NAA11: variants seen among roughly 807,000 people sequenced by gnomAD.
NAA11 encodes N-alpha-acetyltransferase 11, NatA catalytic subunit.
In NAA11, 15 loss-of-function variants were observed where a neutral mutation model predicts 16.1. The observed-to-expected ratio is 0.93, with a 90% CI of 0.62 to 1.44. The LOEUF (loss-of-function observed/expected upper bound fraction) is 1.44. Among genes scored for constraint, NAA11 ranks in the 40% most tolerant of loss-of-function variants. The pLI is 0.00. For missense variants in NAA11, 298 were observed against 291.3 expected (o/e 1.02, Z -0.17); for synonymous variants, 122 against 112.4 (o/e 1.09, Z -0.54).
At chr4:79,273,191 T>C (rs1243554765) in intron 2 of NAA11, among the ~76,000 whole-genome samples, 4 of 151,906 alleles carry the variant, frequency 2.6e-5, no homozygotes, top group African/African-American at 4.8e-5. Context: ...GGGAGTGACA[T>C]ACAAGTACAT....
chr4:79,225,672 C>T (rs1721292668), downstream of NAA11: 1 of 151,994 alleles, frequency 6.6e-6, no homozygotes, highest in African/African-American at 2.4e-5. Context: ...CATTTTCTGG[C>T]CTAGAGGACT....
At chr4:79,226,598 G>T (rs1293019982) in intron 2 of NAA11, among the ~76,000 whole-genome samples, 1 of 117,268 alleles carries the variant, frequency 8.5e-6, no homozygotes, top group Non-Finnish European at 1.6e-5. Flanking sequence ...CCCACAACAG[G>T]CACCAGTGGG....
At chr4:79,191,588 C>A in the NAA11 span, among the ~76,000 whole-genome samples, 2 of 151,612 alleles carry the variant, frequency 1.3e-5, no homozygotes, top group African/African-American at 4.8e-5. Flanking sequence ...TTAGACCATT[C>A]TCAGATACGT....
At chr4:79,286,730 T>C (rs1232635308) in intron 2 of NAA11, among the ~76,000 whole-genome samples, 1 of 152,138 alleles carries the variant, frequency 6.6e-6, no homozygotes, top group Non-Finnish European at 1.5e-5. Flanking sequence ...ATGGAAATTT[T>C]TGAAAGTTGT....
chr4:79,291,754 T>TA (rs748763596), intron 2 of NAA11, among the ~76,000 whole-genome samples: 123 of 150,894 alleles, frequency 8.2e-4, no homozygotes, highest in Middle Eastern at 3.4e-3. Flanking sequence ...AAATGTAAAA[T>TA]AAAAAAAAAT....
intron 2 of NAA11, among the ~76,000 whole-genome samples, chr4:79,284,143 C>G (rs1578178145): frequency 2.0e-5 from 3 of 152,068 alleles, no homozygotes; most frequent in Admixed American, 6.6e-5. Context: ...AGCCCTAAGG[C>G]AGCAAACTCT....
intron 2 of NAA11, among the ~76,000 whole-genome samples, chr4:79,252,859 C>T (rs546741966): frequency 3.3e-5 from 5 of 152,164 alleles, no homozygotes; most frequent in African/African-American, 1.2e-4. Flanking sequence ...CAACAAGGAA[C>T]CATTAAAATG....
chr4:79,201,426 A>C, the NAA11 span, among the ~76,000 whole-genome samples: 2 of 151,792 alleles, frequency 1.3e-5, no homozygotes, highest in Non-Finnish European at 2.9e-5. Context: ...AAAACATAGA[A>C]TCTTGTTTTA....
At chr4:79,303,742 G>C (rs1259204981) in intron 1 of NAA11, among the ~76,000 whole-genome samples, 1 of 152,148 alleles carries the variant, frequency 6.6e-6, no homozygotes, top group Non-Finnish European at 1.5e-5. Flanking sequence ...CAGACTCCTT[G>C]GTAGGTTTAA....
the NAA11 span, among the ~76,000 whole-genome samples, chr4:79,187,993 C>T: frequency 1.5e-4 from 13 of 86,294 alleles, 2 homozygotes; most frequent in African/African-American, 3.3e-4. Flanking sequence ...AGTGAGACTC[C>T]GTCTCAAAAA....
the NAA11 span, among the ~76,000 whole-genome samples, chr4:79,166,262 A>G: frequency 1.1e-4 from 17 of 152,030 alleles, no homozygotes; most frequent in Admixed American, 9.2e-4. Context: ...TCCCCTTTCT[A>G]TACACCTATG....
At chr4:79,312,646 C>CAAAAAAAAAAAAA (rs544315352), downstream of NAA11, among the ~76,000 whole-genome samples, 1 of 69,448 alleles carries the variant, frequency 1.4e-5, no homozygotes, top group African/African-American at 6.1e-5. Flanking sequence ...GACTCCATCT[C>CAAAAAAAAAAAAA]AAAAAAAAAA....
chr4:79,323,338 C>G (rs1341392344), intron 1 of NAA11, among the ~76,000 whole-genome samples: 1 of 152,138 alleles, frequency 6.6e-6, no homozygotes, highest in Non-Finnish European at 1.5e-5. Flanking sequence ...TCTAACATAC[C>G]AATCCTTTAA....
At chr4:79,167,548 T>A in the NAA11 span, among the ~76,000 whole-genome samples, 1 of 152,052 alleles carries the variant, frequency 6.6e-6, no homozygotes, top group Non-Finnish European at 1.5e-5. Context: ...GTACCCCACC[T>A]AGAAAAAGTT....
intron 1 of NAA11, among the ~76,000 whole-genome samples, chr4:79,296,241 C>G (rs76808563): frequency 6.6e-6 from 1 of 152,140 alleles, no homozygotes; most frequent in Non-Finnish European, 1.5e-5. Flanking sequence ...TACTAATTAT[C>G]CCCTTTTTAC....
the NAA11 span, among the ~76,000 whole-genome samples, chr4:79,161,330 C>G: frequency 2.6e-5 from 4 of 152,086 alleles, no homozygotes; most frequent in Non-Finnish European, 4.4e-5. Flanking sequence ...GTCTATTGAT[C>G]TTAAGTATAA....
At position 79,318,738 on chromosome 4, in the gene NAA11, T is replaced by C. The variant is rs570084938; in HGVS notation, c.*13-947A>G. Among the ~76,000 whole-genome samples the C allele has an allele frequency of 4.6e-5, 7 of 152,340 alleles. 1 individual carries two copies. In the South Asian group the frequency reaches 1.4e-3, roughly 32 times the overall value. ...ACTATCATCATTGCCTTTTTCATTT[T>C]TGCATGAACAGGCATGCAAAAGAAG... On this transcript the variant is annotated intron_variant, in intron 1 of 1. Coordinates refer to ENST00000286794, the MANE Select transcript of NAA11 (RefSeq NM_032693.3).
the NAA11 span, among the ~76,000 whole-genome samples, chr4:79,192,516 A>T: frequency 6.6e-6 from 1 of 151,168 alleles, no homozygotes; most frequent in African/African-American, 2.4e-5. Flanking sequence ...GCTGAGAATG[A>T]TGGTTTCCAG....
chr4:79,188,997 C>G, the NAA11 span, among the ~76,000 whole-genome samples: 1 of 151,106 alleles, frequency 6.6e-6, no homozygotes, highest in African/African-American at 2.4e-5. Context: ...TTTGGGAGGC[C>G]GAGCCGGGCG....
Sources: allele counts gnomAD v4.1 joint callset (sites outside exome capture counted in the v4.1 genomes callset), GRCh38; gene constraint gnomAD v4.1.1; transcripts MANE v1.5; gene names NCBI Gene and HGNC (gene_info 2026-07-23, HGNC 2026-07-21).